TDP1: variants seen among roughly 807,000 people sequenced by gnomAD.
TDP1 encodes tyr-DNA phosphodiesterase 1.
In TDP1, 64 loss-of-function variants were observed where a neutral mutation model predicts 81.5. The observed-to-expected ratio is 0.79, with a 90% CI of 0.64 to 0.97. TDP1 has a LOEUF of 0.97. TDP1 is among the 50% of genes least tolerant of loss of function. The pLI is 0.00. For synonymous variants in TDP1, 256 were observed against 264.3 expected, an observed-to-expected ratio of 0.97 and a Z score of 0.30; for missense variants, 723 against 743.8, an observed-to-expected ratio of 0.97 and a Z score of 0.33.
In TDP1 at chr14:90,043,109, C is replaced by T. The variant is rs113382706; in HGVS notation, c.1793C>T (p.Pro598Leu). Residue 598 changes from proline (P) to leucine (L), a missense_variant, in exon 17 of 17, where the codon CCG (proline) becomes CTG (leucine). Transcript: ENST00000335725. The stretch of plus-strand genomic sequence containing the variant: ...TGGAACATTCCTTATGTCAAAGCAC[C>T]GGATACGCATGGGAACATGTGGGTG... ...WIWNIPYVKA[P>L]DTHGNMWVPS is the part of the protein sequence containing the mutation. 2.2e-5 allele frequency: 36 copies of T among 1,614,020 alleles called. No individual in the cohort carries two copies. The highest frequency in any genetic ancestry group is 9.9e-5 in the South Asian group (9 of 91,078).
chr14:90,018,974 C>T (rs1885644419), intron 14 of TDP1: 3 of 973,100 alleles, frequency 3.1e-6, no homozygotes, highest in Admixed American at 6.3e-5. Context: ...GTTTTATGTA[C>T]AACAAAACCA....
intron 15 of TDP1, among the ~76,000 whole-genome samples, chr14:90,020,770 T>A (rs1271511268): frequency 1.4e-5 from 2 of 143,524 alleles, no homozygotes; most frequent in African/African-American, 5.4e-5. Context: ...TGTGTGCTTG[T>A]CCTCAGACTT....
At chr14:90,020,364 C>CTCCCTCCCTCCCTCCCTCCT (rs1885840439) in intron 15 of TDP1, among the ~76,000 whole-genome samples, 1 of 142,706 alleles carries the variant, frequency 7.0e-6, no homozygotes, top group Admixed American at 6.8e-5. Flanking sequence ...TCCTCCCTCC[C>CTCCCTCCCTCCCTCCCTCCT]TCCCTCCCTC....
chr14:89,998,418 ATATATG>A (rs1312494543), intron 14 of TDP1, among the ~76,000 whole-genome samples: 21 of 98,238 alleles, frequency 2.1e-4, no homozygotes, highest in African/African-American at 3.3e-4. Flanking sequence ...ATATATATAT[ATATATG>A]TATGTATGTA....
chr14:89,995,351 T>C (rs1896574610), intron 14 of TDP1, among the ~76,000 whole-genome samples: 1 of 152,084 alleles, frequency 6.6e-6, no homozygotes, highest in Admixed American at 6.5e-5. Flanking sequence ...TAATAAGTGA[T>C]GGAACCCAGA....
chr14:89,959,857 A>G (rs1425832876), intron 2 of TDP1, among the ~76,000 whole-genome samples: 1 of 152,144 alleles, frequency 6.6e-6, no homozygotes, highest in Non-Finnish European at 1.5e-5. Context: ...CAGAATTCTC[A>G]GTGTTTGGAA....
intron 16 of TDP1, among the ~76,000 whole-genome samples, chr14:90,035,216 T>C (rs1421907630): frequency 1.3e-5 from 2 of 152,238 alleles, no homozygotes; most frequent in Non-Finnish European, 2.9e-5. Flanking sequence ...AAGTTAATCC[T>C]ATCTCATGCT....
At chr14:89,990,011 G>A (rs562421108) in intron 12 of TDP1, among the ~76,000 whole-genome samples, 85 of 152,270 alleles carry the variant, frequency 5.6e-4, no homozygotes, top group African/African-American at 2.0e-3. Flanking sequence ...TAACCAGCAG[G>A]TTGGTTGTCC....
At chr14:90,003,544 G>C (rs1014289540) in intron 14 of TDP1, among the ~76,000 whole-genome samples, 1 of 152,174 alleles carries the variant, frequency 6.6e-6, no homozygotes, top group Non-Finnish European at 1.5e-5. Context: ...TTTACCACAG[G>C]ACTAAGCAGG....
At chr14:90,018,561 A>G (rs1354164062) in intron 14 of TDP1, among the ~76,000 whole-genome samples, 1 of 152,042 alleles carries the variant, frequency 6.6e-6, no homozygotes, top group African/African-American at 2.4e-5. Context: ...CCCAGGCTCA[A>G]GCGATCCTCC....
rs113531329 is a variant in TDP1 at position 90,019,378 on chromosome 14, G to C, written c.1604G>C (p.Arg535Pro). 1 of 1,611,998 alleles carries C rather than the reference G, an allele frequency of 6.2e-7. No homozygotes were observed. The highest frequency in any genetic ancestry group is 8.5e-7 in the Non-Finnish European group (1 of 1,178,104). ...AAGAATGGCACCCAGCTGATGATCC[G>C]CTCCTACGAGCTCGGGGTCCTTTTC... Reference protein sequence around the residue: ...LEKNGTQLMIRSYELGVLFLP... With the variant: ...LEKNGTQLMIPSYELGVLFLP... The change falls in exon 15 of 17, where the codon CGC becomes CCC. Residue 535 changes from arginine (R) to proline (P), a missense_variant. By Grantham distance (103) the Arg-to-Pro change is moderately radical. Transcript: ENST00000335725.
Position 90,044,656 on chromosome 14 carries a change from C to T in TDP1, c.*1513C>T, listed in dbSNP as rs1248193872. Reference sequence around the variant, plus strand: ...CCTCCCACCTTCCAACAGACAGGCTCTGCTGTATCTGTTGTACATACTGGG... The same window carrying T: ...CCTCCCACCTTCCAACAGACAGGCTTTGCTGTATCTGTTGTACATACTGGG... On this transcript the variant is annotated 3_prime_UTR_variant, in exon 17 of 17. Coordinates refer to ENST00000335725, the MANE Select transcript of TDP1 (RefSeq NM_018319.4). 4 of 152,308 alleles carry T rather than the reference C, an allele frequency of 2.6e-5. No individual in the cohort carries two copies. The East Asian group carries it at 5.8e-4, about 22-fold the overall frequency. The allele number at this position is 152,308 out of a possible 1,614,324, so 9.4% of individuals were successfully genotyped here.
rs1325263933 is a variant in TDP1 at position 89,982,622 on chromosome 14, G to A, written c.885-1894G>A. Reference sequence around the variant, plus strand: ...TGGGGTGGTTGCCAGGAGGGAAGAGGCAGGGATAAGGGCTTGGGTGTTTCT... The same window carrying A: ...TGGGGTGGTTGCCAGGAGGGAAGAGACAGGGATAAGGGCTTGGGTGTTTCT... On this transcript the variant is annotated intron_variant, in intron 8 of 16. Coordinates refer to ENST00000335725, the MANE Select transcript of TDP1 (RefSeq NM_018319.4). Among the ~76,000 whole-genome samples, 5 of 152,110 alleles carry A rather than the reference G, an allele frequency of 3.3e-5. No homozygotes were observed. In the South Asian group the frequency reaches 1.0e-3, roughly 32 times the overall value.
intron 15 of TDP1, among the ~76,000 whole-genome samples, chr14:90,020,739 A>G (rs1885980935): frequency 7.0e-6 from 1 of 143,314 alleles, no homozygotes; most frequent in Non-Finnish European, 1.5e-5. Flanking sequence ...ACTGGACCAG[A>G]TGATTTAGCT....
intron 3 of TDP1, among the ~76,000 whole-genome samples, chr14:89,964,671 T>C (rs1192828111): frequency 6.6e-6 from 1 of 152,224 alleles, no homozygotes; most frequent in Non-Finnish European, 1.5e-5. Flanking sequence ...TTGTTTTCTT[T>C]TTGAGAATCT....
At chr14:89,991,621 A>C in intron 12 of TDP1, 1 of 984,792 alleles carries the variant, frequency 1.0e-6, no homozygotes, top group Non-Finnish European at 1.2e-6. Context: ...AGCCTTATTT[A>C]AAGGCATCCC....
At chr14:90,035,819 C>T (rs1196021359) in intron 16 of TDP1, among the ~76,000 whole-genome samples, 1 of 150,192 alleles carries the variant, frequency 6.7e-6, no homozygotes, top group Non-Finnish European at 1.5e-5. Context: ...GGGGTCTGGC[C>T]TTGGGCCCTG....
At chr14:90,002,645 G>A (rs138684789) in intron 14 of TDP1, among the ~76,000 whole-genome samples, 18 of 151,568 alleles carry the variant, frequency 1.2e-4, no homozygotes, top group African/African-American at 4.1e-4. Context: ...CAAGGCGATC[G>A]GATCACTTGC....
chr14:90,020,869 C>T (rs952508227), intron 15 of TDP1, among the ~76,000 whole-genome samples: 1 of 148,594 alleles, frequency 6.7e-6, no homozygotes, highest in African/African-American at 2.5e-5. Context: ...GATCTCGGCT[C>T]ACTGCAACCT....
Sources: gnomAD v4.1 joint callset for allele counts (sites outside exome capture counted in the v4.1 genomes callset) on GRCh38, gnomAD v4.1.1 for gene constraint, MANE v1.5 for transcripts, NCBI Gene and HGNC (gene_info 2026-07-23, HGNC 2026-07-21) for gene names.